Variants in ZFYVE26 observed in about 807,000 individuals in gnomAD.
ZFYVE26 encodes the protein zinc finger FYVE-type containing 26.
Under a neutral mutation model 276.5 loss-of-function variants are expected in ZFYVE26, and 181 were observed. The observed-to-expected ratio is 0.65, with a 90% CI of 0.58 to 0.74. The LOEUF (loss-of-function observed/expected upper bound fraction) is 0.74, where lower values mean the gene tolerates loss of function less well. ZFYVE26 is among the 30% of genes least tolerant of loss of function. The pLI is 0.00. For synonymous variants in ZFYVE26, 1,129 were observed against 1,203.1 expected, an observed-to-expected ratio of 0.94 and a Z score of 1.27; for missense variants, 2,821 against 3,097.9, an observed-to-expected ratio of 0.91 and a Z score of 2.12.
At chr14:67,749,275 G>A (rs1210293650) in intron 41 of ZFYVE26, among the ~76,000 whole-genome samples, 1 of 152,050 alleles carries the variant, frequency 6.6e-6, no homozygotes, top group East Asian at 1.9e-4. Context: ...AGGAAATCTG[G>A]GGAGGAAGAC....
rs1183860192 is a variant in ZFYVE26 at position 67,793,751 on chromosome 14, G to T, written c.2410C>A (p.Leu804Met). 1 of 1,613,914 alleles carries T rather than the reference G, an allele frequency of 6.2e-7. No homozygotes were observed. Among genetic ancestry groups the T allele is most frequent in the East Asian group, 2.2e-5 (1 of 44,858 alleles). ...TCATTCCGGCCAGACATGGCACTCA[G>T]ACTTCCCTCTGTTGGGACACAAGAA... ...ELSTSTSEGS[L>M]SAMSGRNELH... is the part of the protein sequence containing the mutation. The change falls in exon 14 of 42, where the codon CTG (leucine) becomes ATG (methionine). Residue 804 changes from leucine to methionine, a missense_variant. Coordinates refer to ENST00000347230, the MANE Select transcript of ZFYVE26 (RefSeq NM_015346.4).
chr14:67,745,923 C>G (rs1463951946), downstream of ZFYVE26, among the ~76,000 whole-genome samples: 4 of 85,062 alleles, frequency 4.7e-5, no homozygotes, highest in Non-Finnish European at 6.1e-5. Context: ...GAGCTAGACC[C>G]TGTCTCAAAA....
At position 67,733,683 on chromosome 14, in the gene ZFYVE26, C is replaced by A. The variant is rs1486444577; in HGVS notation, n.2680-3864G>T. The stretch of plus-strand genomic sequence containing the variant: ...TTTAGAAACATTCTGAGAAAGGGAC[C>A]ATAAAGATTTCCAGACTGCTAATTC... On this transcript the variant is annotated intron_variant and non_coding_transcript_variant, in intron 13 of 14. Transcript: ENST00000394455. 43 of 1,065,096 alleles carry A rather than the reference C, an allele frequency of 4.0e-5. No homozygotes were observed. In the East Asian group the frequency reaches 9.4e-4, roughly 23 times the overall value. The allele number at this position is 1,065,096 out of a possible 1,614,324, so 66.0% of individuals were successfully genotyped here.
chr14:67,746,167 T>C (rs2038484578), downstream of ZFYVE26, among the ~76,000 whole-genome samples: 1 of 152,092 alleles, frequency 6.6e-6, no homozygotes, highest in South Asian at 2.1e-4. Flanking sequence ...TCTGGAACTG[T>C]ACACTAGACA....
chr14:67,747,423 A>G lies in ZFYVE26; in HGVS notation c.*1013T>C, dbSNP rs940561953. On this transcript the variant is annotated 3_prime_UTR_variant, in exon 42 of 42. Transcript: ENST00000347230. ...ATATCCATCCTGTGGTCCTGAAGAG[A>G]CTGAAGGGAAGCAGGAGGGAAAAGG... is the stretch of plus-strand genomic sequence containing the variant. 2.0e-5 allele frequency: 3 copies of G among 152,152 alleles called. No homozygotes were observed. Among genetic ancestry groups the G allele is most frequent in the African/African-American group, 7.2e-5 (3 of 41,420 alleles). The allele number at this position is 152,152 out of a possible 1,614,324, so 9.4% of individuals were successfully genotyped here.
chr14:67,754,254 C>T (rs769697397), intron 37 of ZFYVE26, 42 bp from the exon 38 acceptor site: 1 of 1,613,646 alleles, frequency 6.2e-7, no homozygotes, highest in Non-Finnish European at 8.5e-7. Context: ...CATGAGGGGC[C>T]CCAGGTGACT....
Position 67,805,206 on chromosome 14 carries a change from C to G in ZFYVE26, c.1271+11G>C. The G allele has an allele frequency of 6.2e-7, 1 of 1,613,226 alleles. No individual in the cohort carries two copies. The highest frequency in any genetic ancestry group is 1.1e-5 in the South Asian group (1 of 90,946). ...CTGTGGTGGGCAGGCGCTGACTGCA[C>G]AGGGCCATACCTGCTCTGCTGTATG... On this transcript the variant is annotated intron_variant, in intron 8 of 41. Coordinates refer to ENST00000347230, the MANE Select transcript of ZFYVE26 (RefSeq NM_015346.4).
Position 67,785,998 on chromosome 14 carries a change from C to G in ZFYVE26, c.3164G>C (p.Gly1055Ala). 6.2e-7 allele frequency: 1 copy of G among 1,614,184 alleles called. No homozygotes were observed. Among genetic ancestry groups the G allele is most frequent in the Non-Finnish European group, 8.5e-7 (1 of 1,180,034 alleles). Residue 1055 changes from glycine to alanine, a missense_variant, in exon 18 of 42, where the codon GGC becomes GCC. Physicochemically the swap from Gly to Ala is moderately conservative, Grantham distance 60. Transcript: ENST00000347230. ...TTCAGTGATGCTGCACCGTGGAGGGCCTCCTCCCTTTTCTTCCACACTCTC... is the reference window on the plus strand; with the variant it reads ...TTCAGTGATGCTGCACCGTGGAGGGGCTCCTCCCTTTTCTTCCACACTCTC... ...KSESVEEKGG[G>A]PPRCSITELL...
chr14:67,798,130 T>C lies in ZFYVE26; in HGVS notation c.2132A>G (p.Glu711Gly). 1 of 1,614,138 alleles carries C rather than the reference T, an allele frequency of 6.2e-7. No homozygotes were observed. The highest frequency in any genetic ancestry group is 8.5e-7 in the Non-Finnish European group (1 of 1,179,982). ...SRSPPEKPKQ[E>G]SQSCSGSRDG... ...TCTGCTTCCTGAGCAGCTCTGACTTTCTTGCTTTGGCTTCTCAGGAGGGCT... is the reference window on the plus strand; with the variant it reads ...TCTGCTTCCTGAGCAGCTCTGACTTCCTTGCTTTGGCTTCTCAGGAGGGCT... The change falls in exon 11 of 42, where the codon GAA becomes GGA. Residue 711 changes from glutamate (E) to glycine (G), a missense_variant. By Grantham distance (98) the Glu-to-Gly change is moderately conservative. Transcript: ENST00000347230.
chr14:67,753,941 G>T, intron 38 of ZFYVE26, 130 bp downstream of exon 38: 1 of 1,534,728 alleles, frequency 6.5e-7, no homozygotes, highest in Non-Finnish European at 9.0e-7. Context: ...ACCAGTCTTT[G>T]GTGGCTCATA....
chr14:67,768,095 G>T (rs1007608553), intron 30 of ZFYVE26, among the ~76,000 whole-genome samples: 1 of 152,204 alleles, frequency 6.6e-6, no homozygotes. Context: ...AACCTTCAAA[G>T]GGGCGTGTTT....
chr14:67,794,978 T>C (rs191263079), intron 12 of ZFYVE26, among the ~76,000 whole-genome samples: 2 of 152,240 alleles, frequency 1.3e-5, no homozygotes, highest in Admixed American at 1.3e-4. Flanking sequence ...AACCAAAGTC[T>C]AAGACCTGGC....
chr14:67,780,392 C>A (rs1197575323), intron 22 of ZFYVE26, 47 bp from the exon 23 acceptor site: 12 of 1,533,434 alleles, frequency 7.8e-6, no homozygotes, highest in Non-Finnish European at 1.1e-5. Context: ...CAGCTTCTCC[C>A]TCCATGAACA....
chr14:67,765,160 C>T (rs2039024469), intron 32 of ZFYVE26, among the ~76,000 whole-genome samples: 1 of 152,032 alleles, frequency 6.6e-6, no homozygotes, highest in Non-Finnish European at 1.5e-5. Context: ...GAATCTATTA[C>T]CTCTTGATAT....
chr14:67,741,079 G>C (rs573199926), intron 13 of ZFYVE26, among the ~76,000 whole-genome samples: 110 of 152,300 alleles, frequency 7.2e-4, no homozygotes, highest in Non-Finnish European at 1.1e-3. Context: ...TGCTGGGGAA[G>C]AATTTGACAA....
chr14:67,735,349 G>C (rs934292889), intron 13 of ZFYVE26: 1 of 758,030 alleles, frequency 1.3e-6, no homozygotes, highest in African/African-American at 1.7e-5. Context: ...AGTCTGCTCA[G>C]CCTGGGCAAG....
chr14:67,764,414 T>A (rs949719678), intron 32 of ZFYVE26, among the ~76,000 whole-genome samples: 1 of 152,136 alleles, frequency 6.6e-6, no homozygotes, highest in Non-Finnish European at 1.5e-5. Flanking sequence ...AGAGACAGGG[T>A]CTCACTACAT....
At chr14:67,798,986 A>C in intron 10 of ZFYVE26, 8 of 1,135,036 alleles carry the variant, frequency 7.0e-6, no homozygotes, top group Non-Finnish European at 1.1e-5. Context: ...GGGGTGATTT[A>C]CGGATACTCT....
chr14:67,749,996 A>T lies in ZFYVE26; in HGVS notation c.7416+1056T>A, dbSNP rs560531219. Among the ~76,000 whole-genome samples the T allele has an allele frequency of 3.9e-5, 6 of 152,306 alleles. No individual in the cohort carries two copies. The South Asian group carries it at 1.2e-3, about 32-fold the overall frequency. On this transcript the variant is annotated intron_variant, in intron 41 of 41. Coordinates refer to ENST00000347230, the MANE Select transcript of ZFYVE26 (RefSeq NM_015346.4). The stretch of plus-strand genomic sequence containing the variant: ...CTGAGAGAAAAATACCTGAAAAAGT[A>T]ATAAGGACTGTCTCTATTTTAGAGC...
Sources: gnomAD v4.1 joint callset for allele counts (sites outside exome capture counted in the v4.1 genomes callset) on GRCh38, gnomAD v4.1.1 for gene constraint, MANE v1.5 for transcripts, NCBI Gene and HGNC (gene_info 2026-07-23, HGNC 2026-07-21) for gene names.